Variants in COL5A2 observed in about 807,000 individuals in gnomAD.
COL5A2 encodes collagen alpha-2(V) chain.
Under a neutral mutation model 208.2 loss-of-function variants are expected in COL5A2, and 23 were observed. The ratio of observed to expected loss-of-function variants is 0.11; its 90% CI spans 0.08 to 0.16. The LOEUF (loss-of-function observed/expected upper bound fraction) is 0.16, where lower values mean the gene tolerates loss of function less well. Ranked by LOEUF, COL5A2 falls within the 10% of genes least tolerant of loss-of-function variation. The pLI, the probability that COL5A2 is intolerant of heterozygous loss-of-function variation, is 1.00. For synonymous variants in COL5A2, 625 were observed against 628.5 expected, an observed-to-expected ratio of 0.99 and a Z score of 0.08; for missense variants, 1,590 against 1,956.4, an observed-to-expected ratio of 0.81 and a Z score of 3.53.
chr2:189,259,102 T>C, the COL5A2 span, among the ~76,000 whole-genome samples: 3 of 152,272 alleles, frequency 2.0e-5, no homozygotes, highest in African/African-American at 2.4e-5. Context: ...CATATCTGAG[T>C]AGGAAAGAAG....
At chr2:189,158,888 T>C (rs908263218) in intron 1 of COL5A2, among the ~76,000 whole-genome samples, 2 of 152,176 alleles carry the variant, frequency 1.3e-5, no homozygotes, top group Admixed American at 6.5e-5. Flanking sequence ...CAAGTGTTTA[T>C]TTTGCAACTA....
chr2:189,286,414 G>A, the COL5A2 span, among the ~76,000 whole-genome samples: 6,092 of 152,260 alleles, frequency 0.04, 141 homozygotes, highest in South Asian at 0.05. Flanking sequence ...GCAAGGGCTA[G>A]ACAATTCTAT....
the COL5A2 span, among the ~76,000 whole-genome samples, chr2:189,280,141 G>C: frequency 2.6e-5 from 4 of 152,102 alleles, no homozygotes; most frequent in South Asian, 2.1e-4. Flanking sequence ...TGTGAGAAAC[G>C]AATTTTTGGT....
chr2:189,203,513 G>T (rs923296482), intron 1 of COL5A2, among the ~76,000 whole-genome samples: 2 of 152,180 alleles, frequency 1.3e-5, no homozygotes, highest in Non-Finnish European at 2.9e-5. Context: ...ACAGAACAAA[G>T]TGCCATTTTG....
chr2:189,067,649 T>C (rs926620504), intron 21 of COL5A2, among the ~76,000 whole-genome samples: 11 of 152,200 alleles, frequency 7.2e-5, no homozygotes, highest in African/African-American at 2.7e-4. Context: ...TGTTGAACCC[T>C]AGCCTAATTG....
chr2:189,430,915 C>A, the COL5A2 span, among the ~76,000 whole-genome samples: 11 of 152,172 alleles, frequency 7.2e-5, no homozygotes, highest in Non-Finnish European at 1.6e-4. Flanking sequence ...AGACACCTCC[C>A]AGTAGGGGCC....
At chr2:189,266,112 G>C in the COL5A2 span, among the ~76,000 whole-genome samples, 1 of 152,182 alleles carries the variant, frequency 6.6e-6, no homozygotes, top group East Asian at 1.9e-4. Flanking sequence ...CCATGCAAGG[G>C]AATATTATTC....
At chr2:189,224,987 T>TA (rs903544059) in intron 1 of COL5A2, among the ~76,000 whole-genome samples, 1 of 151,984 alleles carries the variant, frequency 6.6e-6, no homozygotes, top group Non-Finnish European at 1.5e-5. Context: ...TACAAGTTAA[T>TA]AAAAAATAAA....
chr2:189,331,158 A>G, the COL5A2 span, among the ~76,000 whole-genome samples: 1 of 152,214 alleles, frequency 6.6e-6, no homozygotes, highest in Non-Finnish European at 1.5e-5. Context: ...CATTTACAAA[A>G]TTAGATATGA....
the COL5A2 span, among the ~76,000 whole-genome samples, chr2:189,321,611 G>A: frequency 6.6e-6 from 1 of 152,124 alleles, no homozygotes; most frequent in Non-Finnish European, 1.5e-5. Context: ...AACAAGAAGA[G>A]CTAACTATCC....
the COL5A2 span, among the ~76,000 whole-genome samples, chr2:189,371,355 T>C: frequency 6.6e-6 from 1 of 152,190 alleles, no homozygotes; most frequent in East Asian, 1.9e-4. Context: ...AAGATGGTAA[T>C]GTGGAACTGG....
chr2:189,247,685 T>C, the COL5A2 span, among the ~76,000 whole-genome samples: 1 of 151,876 alleles, frequency 6.6e-6, no homozygotes, highest in East Asian at 1.9e-4. Context: ...ACTCAAGTGA[T>C]TCTCATGCTT....
At chr2:189,050,240 G>C (rs1205546043) in intron 43 of COL5A2, among the ~76,000 whole-genome samples, 1 of 150,876 alleles carries the variant, frequency 6.6e-6, no homozygotes, top group Non-Finnish European at 1.5e-5. Context: ...TACTTAAAAA[G>C]ACACTACCTA....
At chr2:189,043,649 A>G (rs1296489456) in intron 47 of COL5A2, among the ~76,000 whole-genome samples, 1 of 152,184 alleles carries the variant, frequency 6.6e-6, no homozygotes, top group African/African-American at 2.4e-5. Context: ...ATTCTTTTAA[A>G]TTAAAACATT....
At chr2:189,216,251 A>G (rs960819651) in intron 1 of COL5A2, among the ~76,000 whole-genome samples, 1 of 152,120 alleles carries the variant, frequency 6.6e-6, no homozygotes, top group Non-Finnish European at 1.5e-5. Context: ...ATGTGGAATG[A>G]TTTGAGAGAT....
chr2:189,265,058 A>T, the COL5A2 span, among the ~76,000 whole-genome samples: 1 of 152,146 alleles, frequency 6.6e-6, no homozygotes, highest in East Asian at 1.9e-4. Context: ...AAAGGTTACA[A>T]AAATCCCTGG....
At chr2:189,204,531 A>G (rs896321152) in intron 1 of COL5A2, among the ~76,000 whole-genome samples, 2 of 152,220 alleles carry the variant, frequency 1.3e-5, no homozygotes, top group Non-Finnish European at 2.9e-5. Context: ...ATATTTCAGT[A>G]ATTCTTAAAT....
At chr2:189,248,627 C>A in the COL5A2 span, among the ~76,000 whole-genome samples, 2 of 152,194 alleles carry the variant, frequency 1.3e-5, no homozygotes, top group Admixed American at 6.5e-5. Context: ...ACTACAAATT[C>A]TTTCTGCTTT....
At chr2:189,107,502 A>G (rs945999114) in intron 2 of COL5A2, among the ~76,000 whole-genome samples, 1 of 151,196 alleles carries the variant, frequency 6.6e-6, no homozygotes, top group African/African-American at 2.4e-5. Context: ...TATTTCTACT[A>G]TATTTCAGTT....
Sources: allele counts gnomAD v4.1 joint callset (sites outside exome capture counted in the v4.1 genomes callset), GRCh38; gene constraint gnomAD v4.1.1; transcripts MANE v1.5; gene names NCBI Gene and HGNC (gene_info 2026-07-23, HGNC 2026-07-21).